Variants in SMIM35 observed in about 807,000 individuals in gnomAD.
The protein encoded by SMIM35 is TMPRSS4 antisense RNA 1 (non-protein coding).
At chr11:118,034,162 A>T (rs2058340205) in intron 1 of SMIM35, among the ~76,000 whole-genome samples, 1 of 146,674 alleles carries the variant, frequency 6.8e-6, no homozygotes, top group Non-Finnish European at 1.5e-5. Flanking sequence ...CCAGCTATTC[A>T]GGAGGCTGGG....
intron 1 of SMIM35, among the ~76,000 whole-genome samples, chr11:118,070,037 C>T (rs561286376): frequency 6.6e-6 from 1 of 152,192 alleles, no homozygotes; most frequent in African/African-American, 2.4e-5. Context: ...CAAGGCAATA[C>T]AGCTGGGAGG....
At position 118,030,822 on chromosome 11, in the gene SMIM35, A is replaced by T. The variant is rs117550100; in HGVS notation, c.8-15013T>A. 6.2e-3 allele frequency among the ~76,000 whole-genome samples: 946 copies of T among 152,020 alleles called. 4 individuals are homozygous for T. The highest frequency in any genetic ancestry group is 0.01 in the Non-Finnish European group (704 of 67,984). ...TATGTGGAGTCAAAGCCTGAATGGG[A>T]TTAGGAGGGCATCCATGGCAGTGTT... On this transcript the variant is annotated intron_variant, in intron 1 of 4. Transcript: ENST00000689828.
chr11:118,070,856 A>C (rs1216077720), intron 1 of SMIM35, among the ~76,000 whole-genome samples: 1 of 152,042 alleles, frequency 6.6e-6, no homozygotes. Context: ...TGCAGAAGCC[A>C]GTGTAGGCCC....
intron 1 of SMIM35, among the ~76,000 whole-genome samples, chr11:118,074,293 A>G (rs1944617624): frequency 6.6e-6 from 1 of 152,166 alleles, no homozygotes; most frequent in Admixed American, 6.5e-5. Flanking sequence ...GGAAGAAGGA[A>G]GAGAAAAAAA....
intron 1 of SMIM35, among the ~76,000 whole-genome samples, chr11:118,045,338 A>ACG (rs1944081190): frequency 6.6e-6 from 1 of 151,578 alleles, no homozygotes; most frequent in Admixed American, 6.6e-5. Context: ...ATGCACACAC[A>ACG]CACACACACA....
intron 1 of SMIM35, among the ~76,000 whole-genome samples, chr11:118,054,106 C>G (rs906944053): frequency 1.3e-5 from 2 of 151,288 alleles, no homozygotes; most frequent in Non-Finnish European, 2.9e-5. Context: ...GTTATATAGA[C>G]TTTTAGAGAG....
intron 1 of SMIM35, among the ~76,000 whole-genome samples, chr11:118,051,621 G>C (rs1343602023): frequency 6.6e-6 from 1 of 152,156 alleles, no homozygotes; most frequent in Non-Finnish European, 1.5e-5. Context: ...AGCCCAAGAA[G>C]GGGGTAACGG....
chr11:118,012,081 A>G (rs2058153446), intron 4 of SMIM35, among the ~76,000 whole-genome samples: 1 of 152,180 alleles, frequency 6.6e-6, no homozygotes, highest in Non-Finnish European at 1.5e-5. Context: ...GGAGCACAGG[A>G]AGAGAAATCA....
intron 1 of SMIM35, among the ~76,000 whole-genome samples, chr11:118,075,208 A>T (rs1366783754): frequency 6.6e-6 from 1 of 152,174 alleles, no homozygotes; most frequent in Admixed American, 6.5e-5. Flanking sequence ...CCTGACCCTG[A>T]GGTCACCTGA....
chr11:118,062,846 A>T (rs770891933), intron 1 of SMIM35, among the ~76,000 whole-genome samples: 19 of 152,330 alleles, frequency 1.2e-4, no homozygotes, highest in Middle Eastern at 6.8e-3. Context: ...CTGCATTCCC[A>T]GACAGTTAAG....
intron 1 of SMIM35, among the ~76,000 whole-genome samples, chr11:118,078,965 AGAG>A (rs1263877932): frequency 6.6e-6 from 1 of 152,156 alleles, no homozygotes; most frequent in Admixed American, 6.5e-5. Flanking sequence ...TTAGGACTAA[AGAG>A]GAGTCTGTGC....
At chr11:118,043,892 G>A (rs1234675909) in intron 1 of SMIM35, among the ~76,000 whole-genome samples, 2 of 151,514 alleles carry the variant, frequency 1.3e-5, no homozygotes, top group African/African-American at 2.4e-5. Flanking sequence ...TAGCTAAAGG[G>A]TATGGGTTTT....
chr11:118,009,404 A>T (rs915949425), intron 4 of SMIM35, among the ~76,000 whole-genome samples: 1 of 152,200 alleles, frequency 6.6e-6, no homozygotes, highest in Non-Finnish European at 1.5e-5. Flanking sequence ...CTCACCTGTG[A>T]GGCTGTGAGG....
intron 1 of SMIM35, among the ~76,000 whole-genome samples, chr11:118,078,569 G>GC (rs1049793251): frequency 2.0e-5 from 3 of 152,182 alleles, no homozygotes; most frequent in African/African-American, 7.2e-5. Context: ...CCAAGGAGGC[G>GC]CCCCAAAGTT....
At chr11:118,056,756 G>A (rs769805202) in intron 1 of SMIM35, among the ~76,000 whole-genome samples, 73 of 152,346 alleles carry the variant, frequency 4.8e-4, no homozygotes, top group Non-Finnish European at 8.2e-4. Context: ...GACAATCACG[G>A]TGTGAGAAAG....
intron 1 of SMIM35, among the ~76,000 whole-genome samples, chr11:118,048,395 C>T (rs1944137686): frequency 6.6e-6 from 1 of 152,086 alleles, no homozygotes; most frequent in Non-Finnish European, 1.5e-5. Flanking sequence ...CTCCTGTAGT[C>T]CCAGCTACTC....
At chr11:118,082,304 T>C (rs1467359084) in intron 1 of SMIM35, among the ~76,000 whole-genome samples, 1 of 152,176 alleles carries the variant, frequency 6.6e-6, no homozygotes, top group East Asian at 1.9e-4. Context: ...CTCATGCCTG[T>C]AATCCCAGCA....
chr11:118,016,960 G>A (rs1264930251), intron 1 of SMIM35, among the ~76,000 whole-genome samples: 2 of 152,056 alleles, frequency 1.3e-5, no homozygotes, highest in Non-Finnish European at 2.9e-5. Context: ...TATGCCTCTT[G>A]GTCCTTCCTC....
chr11:118,015,885 C>T (rs2058178391), intron 1 of SMIM35, 76 bp from the exon 2 acceptor site: 1 of 399,130 alleles, frequency 2.5e-6, no homozygotes. Context: ...CAAAGTTCTC[C>T]TCCCTTCCCA....
Sources: gnomAD v4.1 joint callset for allele counts (sites outside exome capture counted in the v4.1 genomes callset) on GRCh38, gnomAD v4.1.1 for gene constraint, MANE v1.5 for transcripts, NCBI Gene and HGNC (gene_info 2026-07-23, HGNC 2026-07-21) for gene names.